Variants in PRKCB observed in about 807,000 individuals in gnomAD.
The protein encoded by PRKCB is protein kinase C beta type.
A neutral mutation model predicts 81.5 loss-of-function variants in PRKCB; 13 were observed. That is an observed-to-expected ratio of 0.16 (90% CI 0.10 to 0.25). The LOEUF is 0.25. Ranked by LOEUF, PRKCB falls within the 10% of genes least tolerant of loss-of-function variation. The pLI, the probability that PRKCB is intolerant of heterozygous loss-of-function variation, is 1.00. For synonymous variants in PRKCB, 335 were observed against 321.4 expected (o/e 1.04, Z -0.45); for missense variants, 509 against 875.7 (o/e 0.58, Z 5.29).
chr16:23,919,349 C>T (rs1351427135), intron 2 of PRKCB, among the ~76,000 whole-genome samples: 1 of 148,758 alleles, frequency 6.7e-6, no homozygotes, highest in Non-Finnish European at 1.5e-5. Flanking sequence ...GCTTTGAATA[C>T]TGAGGCTTAT....
intron 10 of PRKCB, among the ~76,000 whole-genome samples, chr16:24,157,758 C>G (rs1967184407): frequency 6.6e-6 from 1 of 151,304 alleles, no homozygotes. Context: ...TTATGAGGGA[C>G]TTTTACCCCA....
intron 2 of PRKCB, among the ~76,000 whole-genome samples, chr16:23,931,529 G>GT (rs1374518549): frequency 6.6e-6 from 1 of 152,142 alleles, no homozygotes; most frequent in Non-Finnish European, 1.5e-5. Context: ...TTGGGGTGAG[G>GT]GTGTGAGAAG....
At chr16:24,124,100 C>T in intron 9 of PRKCB, 119 bp downstream of exon 9, 1 of 1,142,260 alleles carries the variant, frequency 8.8e-7, no homozygotes, top group Non-Finnish European at 1.3e-6. Flanking sequence ...GTAAATAGAG[C>T]CACACTACAC....
At chr16:24,152,571 C>G (rs998280019) in intron 9 of PRKCB, among the ~76,000 whole-genome samples, 3 of 152,192 alleles carry the variant, frequency 2.0e-5, no homozygotes, top group African/African-American at 4.8e-5. Context: ...CCTCCCTGCC[C>G]CCTCCCTGCA....
chr16:24,162,978 T>C (rs1967285345), intron 10 of PRKCB, among the ~76,000 whole-genome samples: 1 of 152,248 alleles, frequency 6.6e-6, no homozygotes, highest in Non-Finnish European at 1.5e-5. Flanking sequence ...TCTAGGTTTC[T>C]TTGTCCTTGC....
intron 2 of PRKCB, among the ~76,000 whole-genome samples, chr16:23,984,638 A>G (rs776030693): frequency 6.6e-6 from 1 of 152,228 alleles, no homozygotes; most frequent in Non-Finnish European, 1.5e-5. Context: ...CTACCTAACA[A>G]TGCAATATGA....
rs371094688 is a variant in PRKCB at position 24,019,393 on chromosome 16, G to A, written c.289-12743G>A. Among the ~76,000 whole-genome samples the A allele has an allele frequency of 1.7e-4, 26 of 152,084 alleles. 5 individuals carry two copies. Among genetic ancestry groups the A allele is most frequent in the South Asian group, 6.2e-4 (3 of 4,804 alleles). On this transcript the variant is annotated intron_variant, in intron 3 of 16. Coordinates refer to ENST00000643927, the MANE Select transcript of PRKCB (RefSeq NM_002738.7). ...ATACACACTTAACTTATTGCACCTC[G>A]CTTTCTCACACACACAAAAGGTACC... is the stretch of plus-strand genomic sequence containing the variant.
At chr16:23,843,652 G>A (rs888366171) in intron 2 of PRKCB, among the ~76,000 whole-genome samples, 1 of 151,948 alleles carries the variant, frequency 6.6e-6, no homozygotes, top group Non-Finnish European at 1.5e-5. Context: ...TGGAAAATAT[G>A]ACCTTTGAAA....
At chr16:23,870,546 G>A (rs575574519) in intron 2 of PRKCB, among the ~76,000 whole-genome samples, 1 of 152,214 alleles carries the variant, frequency 6.6e-6, no homozygotes, top group East Asian at 1.9e-4. Flanking sequence ...CTAAAGCAAA[G>A]TTTCCTTCTA....
chr16:24,117,179 G>C (rs908236734), intron 8 of PRKCB, among the ~76,000 whole-genome samples: 1 of 152,162 alleles, frequency 6.6e-6, no homozygotes, highest in African/African-American at 2.4e-5. Context: ...TAACCAATTA[G>C]CACCCGGAAT....
intron 3 of PRKCB, among the ~76,000 whole-genome samples, chr16:24,019,850 A>G (rs1284442018): frequency 6.6e-6 from 1 of 152,090 alleles, no homozygotes; most frequent in African/African-American, 2.4e-5. Context: ...GTAGTCTTCC[A>G]TTATGTGGCT....
chr16:23,946,692 T>C (rs762181298), intron 2 of PRKCB, among the ~76,000 whole-genome samples: 10 of 152,016 alleles, frequency 6.6e-5, no homozygotes, highest in African/African-American at 9.7e-5. Context: ...TTTCAAACTT[T>C]AGCGTGCAGA....
intron 2 of PRKCB, among the ~76,000 whole-genome samples, chr16:23,952,343 C>T (rs1199630575): frequency 6.6e-6 from 1 of 152,160 alleles, no homozygotes; most frequent in Admixed American, 6.5e-5. Context: ...TGTATGTGCA[C>T]GCACGTCAGG....
At chr16:23,947,729 G>A (rs1964221883) in intron 2 of PRKCB, among the ~76,000 whole-genome samples, 1 of 152,072 alleles carries the variant, frequency 6.6e-6, no homozygotes, top group African/African-American at 2.4e-5. Context: ...GGCCCAGAGA[G>A]ATGAAGAATG....
chr16:23,911,132 T>TTTTTTTTTTTTTTG (rs1963647062), intron 2 of PRKCB, among the ~76,000 whole-genome samples: 1 of 96,504 alleles, frequency 1.0e-5, no homozygotes, highest in Admixed American at 1.1e-4. Flanking sequence ...TATATGCTTT[T>TTTTTTTTTTTTTTG]TTTTTTTTTT....
At chr16:23,963,469 CAT>C (rs1964450872) in intron 2 of PRKCB, 1 of 152,216 alleles carries the variant, frequency 6.6e-6, no homozygotes. Context: ...GAACCTGAAA[CAT>C]AGTACGCTCC....
intron 13 of PRKCB, among the ~76,000 whole-genome samples, chr16:24,181,595 C>T (rs933804142): frequency 2.0e-5 from 3 of 151,830 alleles, no homozygotes; most frequent in East Asian, 3.9e-4. Context: ...GGCGAGACCT[C>T]GTCTCTACAA....
chr16:23,886,121 C>G (rs1011347422), intron 2 of PRKCB, among the ~76,000 whole-genome samples: 1 of 152,216 alleles, frequency 6.6e-6, no homozygotes. Context: ...CTGAAGGTCA[C>G]AGAGCTGAGA....
intron 2 of PRKCB, among the ~76,000 whole-genome samples, chr16:23,873,314 A>C (rs1389862762): frequency 6.6e-6 from 1 of 151,150 alleles, no homozygotes; most frequent in African/African-American, 2.4e-5. Context: ...TGGAGGTTGC[A>C]GTGAGCCGAA....
Sources: gnomAD v4.1 joint callset for allele counts (sites outside exome capture counted in the v4.1 genomes callset) on GRCh38, gnomAD v4.1.1 for gene constraint, MANE v1.5 for transcripts, NCBI Gene and HGNC (gene_info 2026-07-23, HGNC 2026-07-21) for gene names.